Variants in FARP1 observed in about 807,000 individuals in gnomAD.
The protein encoded by FARP1 is FERM, ARHGEF and pleckstrin domain-containing protein 1.
A neutral mutation model predicts 128.8 loss-of-function variants in FARP1; 52 were observed. The observed-to-expected ratio is 0.40, with a 90% CI of 0.32 to 0.51. FARP1 has a LOEUF of 0.51. Among genes scored for constraint, FARP1 ranks in the 20% least tolerant of loss-of-function variants. The pLI is 0.45. For missense variants in FARP1, 1,333 were observed against 1,367.9 expected (o/e 0.97, Z 0.40); for synonymous variants, 580 against 551.8 (o/e 1.05, Z -0.72).
chr13:98,183,823 G>A lies in FARP1; in HGVS notation c.-23-29397G>A, dbSNP rs79658167. 2.5e-3 allele frequency among the ~76,000 whole-genome samples: 384 copies of A among 152,244 alleles called. 2 individuals carry two copies. The highest frequency in any genetic ancestry group is 8.9e-3 in the African/African-American group (369 of 41,546). ...AAACAATTGTTATTTCTTTTACCTT[G>A]AGAATGATCCTCCTTCGGTTTTTGG... On this transcript the variant is annotated intron_variant, in intron 1 of 26. Transcript: ENST00000319562.
intron 2 of FARP1, among the ~76,000 whole-genome samples, chr13:98,308,024 ACTCTCT>A (rs869143880): frequency 4.8e-5 from 1 of 20,746 alleles, no homozygotes; most frequent in African/African-American, 1.4e-4. Context: ...GCCCGCCCCC[ACTCTCT>A]CTCTTTTTTT....
intron 3 of FARP1, among the ~76,000 whole-genome samples, chr13:98,352,484 G>C (rs1289437748): frequency 6.6e-6 from 1 of 152,152 alleles, no homozygotes; most frequent in African/African-American, 2.4e-5. Context: ...TGACAGAGAA[G>C]GGGAGGGCAA....
chr13:98,166,021 A>G (rs1877244582), intron 1 of FARP1, among the ~76,000 whole-genome samples: 1 of 152,156 alleles, frequency 6.6e-6, no homozygotes, highest in Non-Finnish European at 1.5e-5. Context: ...CGCCCAGCCC[A>G]GAAGTCTTTT....
intron 5 of FARP1, among the ~76,000 whole-genome samples, chr13:98,377,355 T>G (rs1435161076): frequency 7.1e-6 from 1 of 140,340 alleles, no homozygotes; most frequent in African/African-American, 2.7e-5. Context: ...AACTGGGTCC[T>G]ATGGAAGTAG....
At chr13:98,215,724 G>A (rs1881021143) in intron 2 of FARP1, among the ~76,000 whole-genome samples, 1 of 152,004 alleles carries the variant, frequency 6.6e-6, no homozygotes, top group African/African-American at 2.4e-5. Context: ...GTGAGTGTGA[G>A]TTTATTTTAC....
intron 2 of FARP1, among the ~76,000 whole-genome samples, chr13:98,309,749 G>A (rs1435974588): frequency 6.6e-6 from 1 of 152,238 alleles, no homozygotes; most frequent in Non-Finnish European, 1.5e-5. Context: ...GAGGGGTTAG[G>A]TGATGCGGAA....
intron 2 of FARP1, among the ~76,000 whole-genome samples, chr13:98,280,931 T>C (rs1884906221): frequency 1.3e-5 from 2 of 152,246 alleles, no homozygotes; most frequent in East Asian, 3.8e-4. Flanking sequence ...GAGTGAATTT[T>C]TAAATTTACA....
At chr13:98,353,930 G>A (rs1888541997) in intron 3 of FARP1, among the ~76,000 whole-genome samples, 2 of 152,130 alleles carry the variant, frequency 1.3e-5, no homozygotes, top group African/African-American at 4.8e-5. Flanking sequence ...TGAGTCATTC[G>A]AAGCTAATGA....
chr13:98,360,966 A>G (rs1380891642), intron 3 of FARP1, among the ~76,000 whole-genome samples: 1 of 152,148 alleles, frequency 6.6e-6, no homozygotes, highest in African/African-American at 2.4e-5. Flanking sequence ...CTTTTAACTC[A>G]TCGGTAACTG....
At chr13:98,208,940 T>C (rs1014824285) in intron 1 of FARP1, among the ~76,000 whole-genome samples, 2 of 152,208 alleles carry the variant, frequency 1.3e-5, no homozygotes, top group Non-Finnish European at 2.9e-5. Context: ...AAGAAAACTC[T>C]ACAAAATGAG....
chr13:98,257,430 T>C (rs1272859087), intron 2 of FARP1, among the ~76,000 whole-genome samples: 3 of 151,498 alleles, frequency 2.0e-5, no homozygotes, highest in African/African-American at 7.3e-5. Flanking sequence ...CTGTACGCCC[T>C]TCTTTCTGCA....
chr13:98,436,234 T>C, intron 19 of FARP1: 1 of 196,006 alleles, frequency 5.1e-6, no homozygotes, highest in Non-Finnish European at 1.0e-5. Flanking sequence ...CACTGTCGCC[T>C]ACCCCTCCCC....
chr13:98,453,239 C>A lies in FARP1; in HGVS notation c.*4922C>A. 1 of 1,608,294 alleles carries A rather than the reference C, an allele frequency of 6.2e-7. No homozygotes were observed. The highest frequency in any genetic ancestry group is 1.1e-5 in the South Asian group (1 of 90,382). ...GGAAAAAGAGAGAGAGAGAAGTCAACACATGTCATTTCTCATCCCTGTGCA... is the reference window on the plus strand; with the variant it reads ...GGAAAAAGAGAGAGAGAGAAGTCAAAACATGTCATTTCTCATCCCTGTGCA... On this transcript the variant is annotated 3_prime_UTR_variant, in exon 27 of 27. Coordinates refer to ENST00000319562, the MANE Select transcript of FARP1 (RefSeq NM_005766.4).
Position 98,453,456 on chromosome 13 carries a change from G to C in FARP1, c.*5139G>C. The C allele has an allele frequency of 3.9e-6, 2 of 507,498 alleles. No individual in the cohort carries two copies. The highest frequency in any genetic ancestry group is 6.9e-6 in the Non-Finnish European group (2 of 290,010). 31.4% of individuals were successfully genotyped at this position (507,498 alleles called of 1,614,324 possible). On this transcript the variant is annotated 3_prime_UTR_variant, in exon 27 of 27. Coordinates refer to ENST00000319562, the MANE Select transcript of FARP1 (RefSeq NM_005766.4). The stretch of plus-strand genomic sequence containing the variant: ...CAAGAATGGGTTCAGCCTCCCTGGA[G>C]AGATGTGAATAAAACGGGAAATCAT...
intron 2 of FARP1, among the ~76,000 whole-genome samples, chr13:98,231,013 C>T (rs777614265): frequency 1.1e-4 from 16 of 152,084 alleles, no homozygotes; most frequent in Non-Finnish European, 1.0e-4. Flanking sequence ...CATCAGATCT[C>T]GTGAGACTTA....
At position 98,452,944 on chromosome 13, in the gene FARP1, A is replaced by G. The variant is rs78433017; in HGVS notation, c.*4627A>G. On this transcript the variant is annotated 3_prime_UTR_variant, in exon 27 of 27. Coordinates refer to ENST00000319562, the MANE Select transcript of FARP1 (RefSeq NM_005766.4). Reference sequence around the variant, plus strand: ...TTAAAAACAAAAGTAATAAAATAAAATAAAATGATCGCTGGAAGGAGCTGA... The same window carrying G: ...TTAAAAACAAAAGTAATAAAATAAAGTAAAATGATCGCTGGAAGGAGCTGA... 91 of 444,192 alleles carry G rather than the reference A, an allele frequency of 2.0e-4. 1 individual carries two copies. In the East Asian group the frequency reaches 2.7e-3, roughly 13 times the overall value. The allele number at this position is 444,192 out of a possible 1,614,324, so 27.5% of individuals were successfully genotyped here.
chr13:98,199,054 C>T (rs1477060260), intron 1 of FARP1, among the ~76,000 whole-genome samples: 1 of 147,978 alleles, frequency 6.8e-6, no homozygotes, highest in Non-Finnish European at 1.5e-5. Flanking sequence ...AGCTGCCTCT[C>T]ACCTGCGTAT....
intron 3 of FARP1, among the ~76,000 whole-genome samples, chr13:98,356,796 G>A (rs1379937025): frequency 1.6e-4 from 24 of 151,720 alleles, no homozygotes; most frequent in Non-Finnish European, 4.4e-5. Flanking sequence ...CACCACGCCC[G>A]GCTAATTTTT....
intron 10 of FARP1, 170 bp from the exon 11 acceptor site, chr13:98,390,642 C>T: frequency 1.8e-6 from 1 of 555,640 alleles, no homozygotes. Flanking sequence ...ACTGAGTGGA[C>T]CCAAAAATAC....
Sources: allele counts gnomAD v4.1 joint callset (sites outside exome capture counted in the v4.1 genomes callset), GRCh38; gene constraint gnomAD v4.1.1; transcripts MANE v1.5; gene names NCBI Gene and HGNC (gene_info 2026-07-23, HGNC 2026-07-21).